Variants in PCNX2 observed in about 807,000 individuals in gnomAD.
PCNX2 encodes pecanex-like protein 2.
Under a neutral mutation model 223.8 loss-of-function variants are expected in PCNX2, and 168 were observed. The observed-to-expected ratio is 0.75, with a 90% CI of 0.66 to 0.85. The LOEUF is 0.85. PCNX2 is among the 40% of genes least tolerant of loss of function. The pLI is 0.00. For missense variants in PCNX2, 2,507 were observed against 2,675.5 expected, an observed-to-expected ratio of 0.94 and a Z score of 1.39; for synonymous variants, 1,006 against 1,052.6, an observed-to-expected ratio of 0.96 and a Z score of 0.86.
chr1:233,194,046 G>A (rs887605978), intron 15 of PCNX2, among the ~76,000 whole-genome samples: 1 of 148,202 alleles, frequency 6.7e-6, no homozygotes, highest in South Asian at 2.2e-4. Context: ...AAATCAAACA[G>A]TTCAGAGAAT....
intron 1 of PCNX2, among the ~76,000 whole-genome samples, chr1:233,266,439 A>G (rs1660336239): frequency 6.6e-6 from 1 of 152,146 alleles, no homozygotes; most frequent in Non-Finnish European, 1.5e-5. Flanking sequence ...CCATGCAATT[A>G]TGCTCTTCCG....
intron 17 of PCNX2, among the ~76,000 whole-genome samples, chr1:233,165,636 G>A (rs1482677660): frequency 1.3e-5 from 2 of 151,978 alleles, no homozygotes; most frequent in Non-Finnish European, 2.9e-5. Flanking sequence ...AGTATATTTA[G>A]GGATAAATTT....
At chr1:233,321,999 A>G in the PCNX2 span, among the ~76,000 whole-genome samples, 1 of 152,208 alleles carries the variant, frequency 6.6e-6, no homozygotes, top group Non-Finnish European at 1.5e-5. Context: ...CTGCTGAGCT[A>G]AGATAATAAG....
intron 21 of PCNX2, among the ~76,000 whole-genome samples, chr1:233,108,768 G>T (rs1418785271): frequency 6.6e-6 from 1 of 152,218 alleles, no homozygotes; most frequent in African/African-American, 2.4e-5. Context: ...CTCCTTCTGA[G>T]GAAGGGGCAG....
intron 21 of PCNX2, among the ~76,000 whole-genome samples, chr1:233,111,985 T>C (rs1404657756): frequency 1.3e-5 from 2 of 152,194 alleles, no homozygotes; most frequent in East Asian, 3.9e-4. Flanking sequence ...ATCTTTGCAA[T>C]TGCCACTGCT....
intron 26 of PCNX2, among the ~76,000 whole-genome samples, chr1:233,018,374 C>A (rs999461308): frequency 4.6e-5 from 7 of 152,152 alleles, no homozygotes; most frequent in Non-Finnish European, 1.0e-4. Flanking sequence ...TTGTTGTAAT[C>A]TTCACACACT....
chr1:232,992,432 C>T (rs888886763), intron 32 of PCNX2, among the ~76,000 whole-genome samples: 1 of 152,206 alleles, frequency 6.6e-6, no homozygotes, highest in Non-Finnish European at 1.5e-5. Context: ...TCATGCTGGG[C>T]AGAGACATGC....
intron 21 of PCNX2, among the ~76,000 whole-genome samples, chr1:233,101,249 T>C (rs77957165): frequency 0.017 from 2,557 of 152,194 alleles, 30 homozygotes; most frequent in East Asian, 0.043. Flanking sequence ...CAAGAAGGAA[T>C]AGAAAAAGTA....
At chr1:233,033,371 T>C (rs537499178) in intron 25 of PCNX2, among the ~76,000 whole-genome samples, 31 of 152,336 alleles carry the variant, frequency 2.0e-4, no homozygotes, top group African/African-American at 7.2e-4. Flanking sequence ...AGGGTCCTAA[T>C]TGCATTCTAG....
intron 19 of PCNX2, among the ~76,000 whole-genome samples, chr1:233,149,028 T>C (rs1677636263): frequency 6.6e-6 from 1 of 152,200 alleles, no homozygotes; most frequent in South Asian, 2.1e-4. Flanking sequence ...CATCCCCAGA[T>C]TGTGTTAGGG....
chr1:233,258,672 C>A lies in PCNX2; in HGVS notation c.1190G>T (p.Arg397Met), dbSNP rs773686572. ...MTDLESSLHL[R>M]VVGTEKTSVK... ...ACTGGTCTTCTCTGTGCCAACCACC[C>A]TCAGGTGGAGGGAGCTTTCCAAATC... The change falls in exon 5 of 34, where the codon AGG becomes ATG. Residue 397 changes from arginine to methionine, a missense_variant. Arg to Met is a moderately conservative substitution (Grantham distance 91). Around this residue, in one of 3 missense-constraint regions of PCNX2, gnomAD observed 1,031 missense variants for 1,021.7 expected, o/e 1.01. Coordinates refer to ENST00000258229, the MANE Select transcript of PCNX2 (RefSeq NM_014801.4). The A allele has an allele frequency of 2.5e-6, 4 of 1,613,880 alleles. No homozygotes were observed. Among genetic ancestry groups the A allele is most frequent in the Non-Finnish European group, 3.4e-6 (4 of 1,179,898 alleles).
In PCNX2 at chr1:232,991,110, A is replaced by T. The variant is rs1669682925; in HGVS notation, c.5792-4570T>A. Among the ~76,000 whole-genome samples the T allele has an allele frequency of 6.6e-6, 1 of 152,196 alleles. No individual in the cohort carries two copies. The highest frequency in any genetic ancestry group is 1.5e-5 in the Non-Finnish European group (1 of 68,030). On this transcript the variant is annotated intron_variant, in intron 32 of 33. Coordinates refer to ENST00000258229, the MANE Select transcript of PCNX2 (RefSeq NM_014801.4). The surrounding 1 kb of genome is among the most constrained non-coding windows in gnomAD (Gnocchi z 4.3). ...TCATGGGAAATTCTGACCACAGACA[A>T]GGCACATGCATCAGGCAGGGATTGG... is the stretch of plus-strand genomic sequence containing the variant.
chr1:233,050,858 A>C (rs1671978643), intron 25 of PCNX2, among the ~76,000 whole-genome samples: 1 of 152,238 alleles, frequency 6.6e-6, no homozygotes. Flanking sequence ...TCTGCACAGC[A>C]AAAGAAACTA....
intron 19 of PCNX2, among the ~76,000 whole-genome samples, chr1:233,150,095 G>A (rs916671023): frequency 7.2e-5 from 11 of 152,072 alleles, no homozygotes; most frequent in Admixed American, 6.5e-4. Flanking sequence ...CACAGCCAGC[G>A]GGGCCAGGAC....
At chr1:233,045,782 C>T (rs139126934) in intron 25 of PCNX2, among the ~76,000 whole-genome samples, 189 of 152,282 alleles carry the variant, frequency 1.2e-3, no homozygotes, top group African/African-American at 2.3e-3. Flanking sequence ...GGGGCAGCTG[C>T]GGTGGCAGTA....
intron 21 of PCNX2, among the ~76,000 whole-genome samples, chr1:233,101,855 T>C (rs749747159): frequency 6.6e-6 from 1 of 152,170 alleles, no homozygotes; most frequent in South Asian, 2.1e-4. Context: ...AAAAACTTCA[T>C]TTACCAGTGC....
intron 27 of PCNX2, 21 bp downstream of exon 27, chr1:233,016,900 G>GC (rs1285026272): frequency 1.3e-6 from 2 of 1,589,756 alleles, no homozygotes; most frequent in East Asian, 2.3e-5. Context: ...CCATGCCTCA[G>GC]CCCCCACCTC....
chr1:232,987,385 G>T (rs1299746560), intron 32 of PCNX2, among the ~76,000 whole-genome samples: 2 of 152,240 alleles, frequency 1.3e-5, no homozygotes, highest in Non-Finnish European at 2.9e-5. Flanking sequence ...TGAGGAAATG[G>T]GTGCTGGCTA....
At chr1:233,178,583 G>T (rs1679618955) in intron 16 of PCNX2, among the ~76,000 whole-genome samples, 1 of 152,124 alleles carries the variant, frequency 6.6e-6, no homozygotes, top group Non-Finnish European at 1.5e-5. Flanking sequence ...TAAATCCAGA[G>T]GACGTTGGCC....
Sources: gnomAD v4.1 joint callset for allele counts (sites outside exome capture counted in the v4.1 genomes callset) on GRCh38, gnomAD v4.1.1 for gene constraint, gnomAD v4.1.1 regional missense constraint, Gnocchi (gnomAD v3.1) non-coding constraint, MANE v1.5 for transcripts, NCBI Gene and HGNC (gene_info 2026-07-23, HGNC 2026-07-21) for gene names.